The following HS6ST3 variants were observed in gnomAD, a reference collection of about 807,000 sequenced individuals.
HS6ST3 encodes heparan-sulfate 6-O-sulfotransferase 3.
A neutral mutation model predicts 36.7 loss-of-function variants in HS6ST3; 12 were observed. The ratio of observed to expected loss-of-function variants is 0.33; its 90% CI spans 0.21 to 0.53. The LOEUF (loss-of-function observed/expected upper bound fraction) is 0.53, where lower values mean the gene tolerates loss of function less well. HS6ST3 is among the 20% of genes least tolerant of loss of function. The pLI is 0.95. For missense variants in HS6ST3, 584 were observed against 640.9 expected (o/e 0.91, Z 0.96); for synonymous variants, 240 against 257.5 (o/e 0.93, Z 0.65).
chr13:96,311,144 G>T (rs2054939094), intron 1 of HS6ST3, among the ~76,000 whole-genome samples: 1 of 152,134 alleles, frequency 6.6e-6, no homozygotes, highest in Non-Finnish European at 1.5e-5. Context: ...ACCATGCTAT[G>T]TACCACATTT....
chr13:96,249,224 A>G (rs568490241), intron 1 of HS6ST3, among the ~76,000 whole-genome samples: 2 of 152,282 alleles, frequency 1.3e-5, no homozygotes, highest in Admixed American at 1.3e-4. Context: ...GTGCTACTTC[A>G]AATATAACAT....
intron 1 of HS6ST3, among the ~76,000 whole-genome samples, chr13:96,226,493 C>T (rs2139365202): frequency 6.6e-6 from 1 of 152,138 alleles, no homozygotes; most frequent in East Asian, 1.9e-4. Flanking sequence ...GCACTCCAGC[C>T]CCGGCAACAA....
rs200457800 is a variant in HS6ST3 at position 96,570,669 on chromosome 13, G to A, written c.708-261821G>A. Among the ~76,000 whole-genome samples the A allele has an allele frequency of 3.3e-5, 5 of 152,310 alleles. No individual in the cohort carries two copies. The East Asian group carries it at 9.6e-4, about 29-fold the overall frequency. ...ACACCTACTTTATACCCAATGGGGGGCAAGATGTGGAAAGCATGTTGGCAG... is the reference window on the plus strand; with the variant it reads ...ACACCTACTTTATACCCAATGGGGGACAAGATGTGGAAAGCATGTTGGCAG... On this transcript the variant is annotated intron_variant, in intron 1 of 1. Coordinates refer to ENST00000376705, the MANE Select transcript of HS6ST3 (RefSeq NM_153456.4).
intron 1 of HS6ST3, among the ~76,000 whole-genome samples, chr13:96,725,906 A>C (rs1192332662): frequency 6.6e-6 from 1 of 151,970 alleles, no homozygotes; most frequent in Non-Finnish European, 1.5e-5. Context: ...GCGCGATCTC[A>C]GCTCACTGCA....
intron 1 of HS6ST3, among the ~76,000 whole-genome samples, chr13:96,803,361 G>C (rs1411607130): frequency 2.6e-5 from 4 of 152,154 alleles, no homozygotes; most frequent in Non-Finnish European, 5.9e-5. Context: ...ATTTGTACCA[G>C]TAAGTTAAGG....
At chr13:96,135,633 A>G (rs755587295) in intron 1 of HS6ST3, among the ~76,000 whole-genome samples, 2 of 151,956 alleles carry the variant, frequency 1.3e-5, no homozygotes, top group African/African-American at 4.8e-5. Flanking sequence ...TTCAAATGTG[A>G]AAACTGTTAA....
chr13:96,436,463 C>T (rs1397614455), intron 1 of HS6ST3, among the ~76,000 whole-genome samples: 1 of 152,176 alleles, frequency 6.6e-6, no homozygotes, highest in Non-Finnish European at 1.5e-5. Flanking sequence ...AAACCAAACA[C>T]ACCGATGTTA....
intron 1 of HS6ST3, among the ~76,000 whole-genome samples, chr13:96,798,678 C>T (rs992285268): frequency 2.6e-5 from 4 of 152,122 alleles, no homozygotes; most frequent in Middle Eastern, 3.4e-3. Context: ...TAATGCTTAC[C>T]TTATAGAGTT....
chr13:96,476,817 G>T (rs970882992), intron 1 of HS6ST3, among the ~76,000 whole-genome samples: 2 of 152,122 alleles, frequency 1.3e-5, no homozygotes, highest in Non-Finnish European at 2.9e-5. Context: ...GGGAAAAGCT[G>T]TTATAAAAAG....
At chr13:96,400,549 T>G (rs1412520365) in intron 1 of HS6ST3, among the ~76,000 whole-genome samples, 1 of 152,122 alleles carries the variant, frequency 6.6e-6, no homozygotes, top group Non-Finnish European at 1.5e-5. Flanking sequence ...AACTTATCAC[T>G]GTTGATGGGC....
chr13:96,212,745 G>A (rs1011483000), intron 1 of HS6ST3, among the ~76,000 whole-genome samples: 1 of 152,160 alleles, frequency 6.6e-6, no homozygotes, highest in African/African-American at 2.4e-5. Flanking sequence ...GTAAGAATTT[G>A]GGGAGCGGGA....
At chr13:96,363,034 A>G (rs77943278) in intron 1 of HS6ST3, among the ~76,000 whole-genome samples, 1,965 of 152,154 alleles carry the variant, frequency 0.013, 54 homozygotes, top group African/African-American at 0.045. Flanking sequence ...GGTCATGATT[A>G]TAAAGGTTTA....
chr13:96,633,244 G>A (rs549575875), intron 1 of HS6ST3, among the ~76,000 whole-genome samples: 1 of 152,294 alleles, frequency 6.6e-6, no homozygotes, highest in Non-Finnish European at 1.5e-5. Context: ...AAAACACAAT[G>A]GGGAAAGCAG....
intron 1 of HS6ST3, among the ~76,000 whole-genome samples, chr13:96,163,537 A>G (rs2054147449): frequency 6.6e-6 from 1 of 152,054 alleles, no homozygotes; most frequent in African/African-American, 2.4e-5. Context: ...CCCCTGTGAT[A>G]CATTTTTTAA....
chr13:96,250,136 A>G (rs188057443), intron 1 of HS6ST3, among the ~76,000 whole-genome samples: 38 of 152,322 alleles, frequency 2.5e-4, no homozygotes, highest in Admixed American at 2.0e-4. Context: ...TAAAAATTCT[A>G]TAGATAGAAG....
chr13:96,549,092 A>T (rs1826818064), intron 1 of HS6ST3, among the ~76,000 whole-genome samples: 1 of 152,160 alleles, frequency 6.6e-6, no homozygotes, highest in African/African-American at 2.4e-5. Flanking sequence ...GTGCAGTTTG[A>T]GGTACATTAG....
intron 1 of HS6ST3, among the ~76,000 whole-genome samples, chr13:96,672,622 T>C (rs1011062112): frequency 2.6e-5 from 4 of 152,130 alleles, no homozygotes. Flanking sequence ...TCTTTCTTGG[T>C]TGACTCCTTC....
chr13:96,182,851 T>C (rs1022518610), intron 1 of HS6ST3, among the ~76,000 whole-genome samples: 1 of 152,180 alleles, frequency 6.6e-6, no homozygotes, highest in African/African-American at 2.4e-5. Flanking sequence ...AAATAAAATA[T>C]CAGAAAAATA....
intron 1 of HS6ST3, among the ~76,000 whole-genome samples, chr13:96,439,853 T>C (rs2055661925): frequency 1.3e-5 from 2 of 152,192 alleles, no homozygotes. Flanking sequence ...ATTCTAATTA[T>C]GTGATAAACT....
Sources: allele counts gnomAD v4.1 joint callset (sites outside exome capture counted in the v4.1 genomes callset), GRCh38; gene constraint gnomAD v4.1.1; transcripts MANE v1.5; gene names NCBI Gene and HGNC (gene_info 2026-07-23, HGNC 2026-07-21).